Variants in USP48 observed in about 807,000 individuals in gnomAD.
The protein encoded by USP48 is ubiquitin specific peptidase 48.
Under a neutral mutation model 150.7 loss-of-function variants are expected in USP48, and 43 were observed. That is an observed-to-expected ratio of 0.29 (90% CI 0.22 to 0.37). USP48 has a LOEUF of 0.37. Ranked by LOEUF, USP48 falls within the 10% of genes least tolerant of loss-of-function variation. The probability of loss-of-function intolerance (pLI) is 1.00; values close to 1 mark genes in which losing one functional copy is unlikely to be tolerated. For synonymous variants in USP48, 396 were observed against 425.9 expected (o/e 0.93, Z 0.86); for missense variants, 813 against 1,249.6 (o/e 0.65, Z 5.27).
intron 1 of USP48, among the ~76,000 whole-genome samples, chr1:21,761,879 A>C (rs777258479): frequency 1.4e-4 from 22 of 152,380 alleles, no homozygotes; most frequent in African/African-American, 5.0e-4. Flanking sequence ...GAAATAAAGT[A>C]GAACCCATCC....
rs551384397 is a variant in USP48, at chr1:21,766,161, A to T, written c.135-8378T>A. ...GGCGGGAGGATCACTTGAGGCTAGG[A>T]GTTCAAGACCAGCCTGGCCAACGTG... On this transcript the variant is annotated intron_variant, in intron 1 of 26. Coordinates refer to ENST00000308271, the MANE Select transcript of USP48 (RefSeq NM_032236.8). 7.9e-5 allele frequency among the ~76,000 whole-genome samples: 12 copies of T among 152,262 alleles called. No individual in the cohort carries two copies. In the East Asian group the frequency reaches 1.9e-3, roughly 25 times the overall value.
chr1:21,750,448 T>C (rs934907422), intron 6 of USP48, among the ~76,000 whole-genome samples: 7 of 152,188 alleles, frequency 4.6e-5, no homozygotes, highest in South Asian at 2.1e-4. Context: ...ACAGCCCTTA[T>C]TGTAGTTGAC....
chr1:21,753,276 G>C (rs542191076), intron 3 of USP48, among the ~76,000 whole-genome samples, 157 bp from the exon 4 acceptor site: 1 of 152,292 alleles, frequency 6.6e-6, no homozygotes, highest in East Asian at 1.9e-4. Context: ...AATAGGCTGA[G>C]CACGGTGGCT....
intron 5 of USP48, among the ~76,000 whole-genome samples, chr1:21,752,021 A>G (rs1410876840): frequency 2.0e-5 from 3 of 151,644 alleles, no homozygotes; most frequent in African/African-American, 7.3e-5. Flanking sequence ...CATCTCAAAA[A>G]AAAAAAAAAA....
chr1:21,704,225 C>G, intron 20 of USP48, 37 bp downstream of exon 20: 2 of 1,596,040 alleles, frequency 1.3e-6, no homozygotes, highest in Non-Finnish European at 1.7e-6. Flanking sequence ...AATGTCAGCT[C>G]TTAACTATAG....
In USP48 at chr1:21,748,118, T is replaced by C. The variant is rs755794283; in HGVS notation, c.908+20A>G. 9.3e-6 allele frequency: 15 copies of C among 1,607,562 alleles called. No individual in the cohort carries two copies. The highest frequency in any genetic ancestry group is 6.8e-6 in the Non-Finnish European group (8 of 1,176,890). ...GTAGACCACAATGAACAACAAACACTAATATTTGCACACATTTACCTGTCA... is the reference window on the plus strand; with the variant it reads ...GTAGACCACAATGAACAACAAACACCAATATTTGCACACATTTACCTGTCA... On this transcript the variant is annotated intron_variant, in intron 7 of 26. Coordinates refer to ENST00000308271, the MANE Select transcript of USP48 (RefSeq NM_032236.8).
chr1:21,695,004 AAGC>A, intron 23 of USP48, 59 bp downstream of exon 23: 6 of 1,514,894 alleles, frequency 4.0e-6, no homozygotes, highest in Non-Finnish European at 5.3e-6. Flanking sequence ...TACAGGTGGA[AAGC>A]AGGAATTCAT....
At chr1:21,683,193 G>C (rs1025391718) in intron 25 of USP48, among the ~76,000 whole-genome samples, 3 of 152,070 alleles carry the variant, frequency 2.0e-5, no homozygotes, top group African/African-American at 7.2e-5. Context: ...GAAGCCCAGA[G>C]GCGGAGGTTG....
chr1:21,776,905 C>T (rs954854882), intron 1 of USP48, among the ~76,000 whole-genome samples: 11 of 151,692 alleles, frequency 7.3e-5, no homozygotes, highest in African/African-American at 2.7e-4. Context: ...CGAGTTTGTG[C>T]CGCTGCACTC....
chr1:21,759,495 C>A (rs1481180203), intron 1 of USP48, among the ~76,000 whole-genome samples: 1 of 152,126 alleles, frequency 6.6e-6, no homozygotes, highest in African/African-American at 2.4e-5. Flanking sequence ...CTAAAAGAAT[C>A]CCGTGCTCCT....
At chr1:21,763,632 A>G (rs113313516) in intron 1 of USP48, among the ~76,000 whole-genome samples, 11,610 of 152,230 alleles carry the variant, frequency 0.076, 502 homozygotes, top group Middle Eastern at 0.11. Flanking sequence ...TGGCTGACAT[A>G]GAGAAACCTC....
chr1:21,707,415 C>G (rs1557462126), intron 15 of USP48, among the ~76,000 whole-genome samples: 1 of 152,220 alleles, frequency 6.6e-6, no homozygotes, highest in Non-Finnish European at 1.5e-5. Context: ...TCAATTCAAA[C>G]AGAAGATAAA....
intron 8 of USP48, among the ~76,000 whole-genome samples, chr1:21,742,836 C>T (rs1269344906): frequency 1.3e-5 from 2 of 152,108 alleles, no homozygotes; most frequent in African/African-American, 2.4e-5. Flanking sequence ...GGGGAATCCC[C>T]ATAAATAATT....
At chr1:21,720,206 A>G (rs2097716257) in intron 14 of USP48, among the ~76,000 whole-genome samples, 1 of 152,256 alleles carries the variant, frequency 6.6e-6, no homozygotes. Flanking sequence ...TGTGGCAGAT[A>G]ATCCAAAACC....
chr1:21,770,790 G>C (rs2097877798), intron 1 of USP48, among the ~76,000 whole-genome samples: 1 of 151,712 alleles, frequency 6.6e-6, no homozygotes, highest in African/African-American at 2.4e-5. Context: ...CCAATCAAGT[G>C]TTATTCTTAT....
intron 9 of USP48, among the ~76,000 whole-genome samples, chr1:21,735,885 GAAA>G (rs10708405): frequency 1.6e-5 from 2 of 124,394 alleles, no homozygotes; most frequent in Non-Finnish European, 3.4e-5. Context: ...AACAAGAGCG[GAAA>G]AAAAAAAAAA....
At chr1:21,757,131 AG>A (rs1247046334) in intron 2 of USP48, among the ~76,000 whole-genome samples, 2 of 152,198 alleles carry the variant, frequency 1.3e-5, no homozygotes, top group African/African-American at 4.8e-5. Flanking sequence ...GCGGTGGTAG[AG>A]GGAACTGGCT....
chr1:21,745,960 G>A (rs1221584720), intron 8 of USP48, among the ~76,000 whole-genome samples: 1 of 152,222 alleles, frequency 6.6e-6, no homozygotes, highest in East Asian at 1.9e-4. Context: ...TTGTTCCACA[G>A]AGGTACAAAT....
At chr1:21,700,679 A>G (rs1336719760) in intron 22 of USP48, among the ~76,000 whole-genome samples, 1 of 152,250 alleles carries the variant, frequency 6.6e-6, no homozygotes, top group Admixed American at 6.5e-5. Context: ...CCATGAGTTT[A>G]AAGTACAAAA....
Sources: allele counts gnomAD v4.1 joint callset (sites outside exome capture counted in the v4.1 genomes callset), GRCh38; gene constraint gnomAD v4.1.1; transcripts MANE v1.5; gene names NCBI Gene and HGNC (gene_info 2026-07-23, HGNC 2026-07-21).